MED13: variants seen among roughly 807,000 people sequenced by gnomAD.
MED13 encodes mediator of RNA polymerase II transcription subunit 13.
In MED13, 23 loss-of-function variants were observed where a neutral mutation model predicts 225.2. The ratio of observed to expected loss-of-function variants is 0.10; its 90% CI spans 0.07 to 0.14. MED13 has a LOEUF of 0.14. Among genes scored for constraint, MED13 ranks in the 10% least tolerant of loss-of-function variants. MED13 has a pLI of 1.00. For missense variants in MED13, 2,197 were observed against 2,594.5 expected (o/e 0.85, Z 3.33); for synonymous variants, 942 against 889.2 (o/e 1.06, Z -1.06).
At chr17:62,039,267 T>C (rs1338068858) in intron 3 of MED13, among the ~76,000 whole-genome samples, 1 of 152,226 alleles carries the variant, frequency 6.6e-6, no homozygotes, top group Non-Finnish European at 1.5e-5. Context: ...AGTTTGTATG[T>C]GATACTGGAG....
chr17:61,974,611 T>C (rs1361427364), intron 16 of MED13, among the ~76,000 whole-genome samples: 1 of 151,890 alleles, frequency 6.6e-6, no homozygotes, highest in African/African-American at 2.4e-5. Context: ...AGAAATAAAC[T>C]GAAAATCCAG....
intron 19 of MED13, among the ~76,000 whole-genome samples, chr17:61,965,850 T>C (rs1324573630): frequency 6.6e-6 from 1 of 152,160 alleles, no homozygotes; most frequent in Admixed American, 6.5e-5. Context: ...AATTAAAATA[T>C]AAAATGGTAT....
chr17:61,955,020 T>A (rs77541770), intron 26 of MED13, among the ~76,000 whole-genome samples: 1 of 152,282 alleles, frequency 6.6e-6, no homozygotes, highest in East Asian at 1.9e-4. Context: ...ATCTGTTTCC[T>A]TGTCTTTTTC....
At chr17:61,979,291 T>A (rs2080183334) in intron 16 of MED13, among the ~76,000 whole-genome samples, 1 of 152,120 alleles carries the variant, frequency 6.6e-6, no homozygotes, top group Non-Finnish European at 1.5e-5. Flanking sequence ...ACTATCATGA[T>A]TACTCAACCC....
In MED13 at chr17:61,984,132, A is replaced by G. The variant is rs73334682; in HGVS notation, c.2888+39T>C. On this transcript the variant is annotated intron_variant, in intron 15 of 29. Coordinates refer to ENST00000397786, the MANE Select transcript of MED13 (RefSeq NM_005121.3). ...TCTATGAAAAAAAAATTAAAGCTGT[A>G]TAAGCAGTCACATACTATTGTAACA... The G allele has an allele frequency of 7.4e-4, 999 of 1,344,770 alleles. 8 individuals are homozygous for G. In the African/African-American group the frequency reaches 0.013, roughly 18 times the overall value. 83.3% of individuals were successfully genotyped at this position (1,344,770 alleles called of 1,614,324 possible). A position where few individuals can be genotyped will look rare whatever the true frequency, so the allele number is the denominator to read the frequency against.
At chr17:61,955,610 A>C (rs1227104435) in intron 25 of MED13, 43 bp from the exon 26 acceptor site, 1 of 1,543,340 alleles carries the variant, frequency 6.5e-7, no homozygotes. Context: ...ACGAAGAATA[A>C]ATTGTATATA....
In MED13 at chr17:61,960,602, C is replaced by A. The variant is rs550470455; in HGVS notation, c.5480+265G>T. ...TTTTACATCTTTCAAAAATGTTCAGCTAAAATAATTGCCTCAAGCTTTATG... is the reference window on the plus strand; with the variant it reads ...TTTTACATCTTTCAAAAATGTTCAGATAAAATAATTGCCTCAAGCTTTATG... On this transcript the variant is annotated intron_variant, in intron 23 of 29. Transcript: ENST00000397786. Among the ~76,000 whole-genome samples, 38 of 152,180 alleles carry A rather than the reference C, an allele frequency of 2.5e-4. No individual in the cohort carries two copies. The South Asian group carries it at 7.7e-3, about 31-fold the overall frequency.
intron 3 of MED13, among the ~76,000 whole-genome samples, chr17:62,040,989 T>A (rs141678707): frequency 1.3e-5 from 2 of 152,342 alleles, no homozygotes; most frequent in African/African-American, 2.4e-5. Context: ...CTCCAAAAAT[T>A]GTACTTCAAA....
intron 17 of MED13, among the ~76,000 whole-genome samples, chr17:61,970,325 A>C (rs959422803): frequency 2.4e-4 from 36 of 152,120 alleles, no homozygotes; most frequent in African/African-American, 8.7e-4. Context: ...CATCCACTGA[A>C]TCAGCATCCT....
At chr17:62,015,954 A>ATATATATATTTTTTTTTTTT (rs1567980090) in intron 8 of MED13, among the ~76,000 whole-genome samples, 1 of 12,904 alleles carries the variant, frequency 7.7e-5, no homozygotes, top group Non-Finnish European at 1.1e-4. Flanking sequence ...ATATATATAT[A>ATATATATATTTTTTTTTTTT]TTTTTTTTTT....
chr17:62,002,060 G>C (rs199498648), intron 9 of MED13, among the ~76,000 whole-genome samples: 2 of 152,284 alleles, frequency 1.3e-5, no homozygotes, highest in East Asian at 3.9e-4. Flanking sequence ...CTAGGTGACA[G>C]AAATTCACCA....
chr17:61,968,583 C>T (rs991279441), intron 17 of MED13, among the ~76,000 whole-genome samples: 1 of 152,290 alleles, frequency 6.6e-6, no homozygotes, highest in African/African-American at 2.4e-5. Flanking sequence ...CCTCGGCCTC[C>T]CAAAGTGCTG....
At position 62,065,215 on chromosome 17, in the gene MED13, C is replaced by T; in HGVS notation, c.-10G>A. The T allele has an allele frequency of 6.4e-7, 1 of 1,557,926 alleles. No homozygotes were observed. Among genetic ancestry groups the T allele is most frequent in the Non-Finnish European group, 8.7e-7 (1 of 1,152,840 alleles). ...CGAAGGAGGCACTCATCGTCCCTCA[C>T]AGCAGCCGCCGCCGGCGCCACAACC... On this transcript the variant is annotated 5_prime_UTR_variant, in exon 1 of 30. In the 5' UTR this introduces an upstream ATG that the reference lacks. Transcript: ENST00000397786.
At chr17:62,033,130 G>A (rs1190565188) in intron 5 of MED13, among the ~76,000 whole-genome samples, 2 of 151,838 alleles carry the variant, frequency 1.3e-5, no homozygotes, top group Admixed American at 1.3e-4. Context: ...TCCAGCCTGG[G>A]CAACAGAGCG....
At chr17:62,030,747 G>A (rs2080747530) in intron 6 of MED13, 1 of 152,208 alleles carries the variant, frequency 6.6e-6, no homozygotes, top group Admixed American at 6.5e-5. Context: ...TTGTTTTAAA[G>A]GTAGATGGAG....
chr17:62,065,219 AGCCGCC>A lies in MED13; in HGVS notation c.-20_-15del. 2 of 1,481,098 alleles carry A rather than the reference AGCCGCC, an allele frequency of 1.4e-6. No individual in the cohort carries two copies. Among genetic ancestry groups the A allele is most frequent in the African/African-American group, 1.4e-5 (1 of 69,016 alleles). 91.7% of individuals were successfully genotyped at this position (1,481,098 alleles called of 1,614,324 possible). On this transcript the variant is annotated 5_prime_UTR_variant, in exon 1 of 30. Coordinates refer to ENST00000397786, the MANE Select transcript of MED13 (RefSeq NM_005121.3). ...GGAGGCACTCATCGTCCCTCACAGC[AGCCGCC>A]GCCGGCGCCACAACCCACCATCCGC...
chr17:62,029,970 T>C lies in MED13; in HGVS notation c.1053A>G (p.Val351=), dbSNP rs994108580. ...SVQKWVKFSS[V]SDGFNSDSTS... Reference sequence around the variant, plus strand: ...TACTATCGGAGTTGAAGCCATCAGATACTGAAGAAAATTTGACCCACTTCT... The same window carrying C: ...TACTATCGGAGTTGAAGCCATCAGACACTGAAGAAAATTTGACCCACTTCT... Residue 351 remains valine, a synonymous_variant, in exon 7 of 30, where the codon GTA becomes GTG. Coordinates refer to ENST00000397786, the MANE Select transcript of MED13 (RefSeq NM_005121.3). 10 of 1,611,508 alleles carry C rather than the reference T, an allele frequency of 6.2e-6. No individual in the cohort carries two copies. The highest frequency in any genetic ancestry group is 8.5e-6 in the Non-Finnish European group (10 of 1,179,306).
At position 61,995,360 on chromosome 17, in the gene MED13, A is replaced by G; in HGVS notation, c.1973T>C (p.Met658Thr). The part of the protein sequence containing the change: ...QESVTSVTEL[M>T]VQCKKPLKVS... ...TTTTAAAGGTTTCTTACATTGCACC[A>G]TTAACCTGCATAAAAAAATTAAAAA... Residue 658 changes from methionine (M) to threonine (T), a missense_variant, in exon 10 of 30, where the codon ATG becomes ACG. Met to Thr is a moderately conservative substitution (Grantham distance 81). Transcript: ENST00000397786. 6.4e-7 allele frequency: 1 copy of G among 1,572,704 alleles called. No homozygotes were observed. Among genetic ancestry groups the G allele is most frequent in the Non-Finnish European group, 8.6e-7 (1 of 1,166,094 alleles).
intron 28 of MED13, among the ~76,000 whole-genome samples, 180 bp downstream of exon 28, chr17:61,950,645 A>G (rs1257975789): frequency 2.0e-5 from 3 of 152,190 alleles, no homozygotes; most frequent in Non-Finnish European, 4.4e-5. Flanking sequence ...CGGCCTCTCA[A>G]AGTGCTGGCA....
Sources: gnomAD v4.1 joint callset for allele counts (sites outside exome capture counted in the v4.1 genomes callset) on GRCh38, gnomAD v4.1.1 for gene constraint, MANE v1.5 for transcripts, NCBI Gene and HGNC (gene_info 2026-07-23, HGNC 2026-07-21) for gene names.